SOS1: variants seen among roughly 807,000 people sequenced by gnomAD.
SOS1 encodes SOS Ras/Rac guanine nucleotide exchange factor 1.
Under a neutral mutation model 157.6 loss-of-function variants are expected in SOS1, and 25 were observed. The ratio of observed to expected loss-of-function variants is 0.16; its 90% CI spans 0.12 to 0.22. The LOEUF (loss-of-function observed/expected upper bound fraction) is 0.22, where lower values mean the gene tolerates loss of function less well. Ranked by LOEUF, SOS1 falls within the 10% of genes least tolerant of loss-of-function variation. The pLI, the probability that SOS1 is intolerant of heterozygous loss-of-function variation, is 1.00. For synonymous variants in SOS1, 528 were observed against 534.0 expected, an observed-to-expected ratio of 0.99 and a Z score of 0.16; for missense variants, 1,237 against 1,599.1, an observed-to-expected ratio of 0.77 and a Z score of 3.86.
At chr2:39,034,888 A>T in intron 8 of SOS1, 2 of 475,104 alleles carry the variant, frequency 4.2e-6, no homozygotes, top group South Asian at 3.1e-5. Context: ...GGTTGTTTTC[A>T]AAGAATCAGC....
chr2:39,051,852 AAAAAT>A (rs1671030341), intron 5 of SOS1, among the ~76,000 whole-genome samples: 1 of 152,198 alleles, frequency 6.6e-6, no homozygotes, highest in Admixed American at 6.5e-5. Context: ...AAAGTATACG[AAAAAT>A]CTAGCTTTTC....
At chr2:38,992,031 G>A (rs1426959879) in intron 20 of SOS1, among the ~76,000 whole-genome samples, 2 of 152,200 alleles carry the variant, frequency 1.3e-5, no homozygotes, top group Non-Finnish European at 2.9e-5. Flanking sequence ...ACTGCTTTGA[G>A]TGGAATATGT....
chr2:39,091,264 T>C (rs766463650), intron 1 of SOS1, among the ~76,000 whole-genome samples: 2 of 152,188 alleles, frequency 1.3e-5, no homozygotes, highest in Non-Finnish European at 2.9e-5. Flanking sequence ...ATCTGTTTAT[T>C]TGCTGGATTT....
intron 1 of SOS1, among the ~76,000 whole-genome samples, chr2:39,100,854 G>A (rs1049607052): frequency 1.2e-4 from 19 of 152,278 alleles, no homozygotes; most frequent in African/African-American, 4.1e-4. Flanking sequence ...AGGAGGGGGA[G>A]GTTGCAGTGA....
chr2:39,089,235 C>A (rs1258577401), intron 1 of SOS1, among the ~76,000 whole-genome samples: 2 of 152,130 alleles, frequency 1.3e-5, no homozygotes, highest in African/African-American at 4.8e-5. Context: ...TCAAAAGTAG[C>A]CAACCTGGCC....
upstream of SOS1, among the ~76,000 whole-genome samples, chr2:39,121,894 T>C (rs1035956216): frequency 6.6e-6 from 1 of 152,206 alleles, no homozygotes; most frequent in Non-Finnish European, 1.5e-5. Context: ...TTATGATTTA[T>C]CATTAATTAT....
chr2:39,029,700 T>G (rs1226475499), intron 8 of SOS1, among the ~76,000 whole-genome samples: 3 of 152,150 alleles, frequency 2.0e-5, no homozygotes, highest in African/African-American at 7.2e-5. Context: ...AGTAATACAA[T>G]AGTTAGCTGT....
In SOS1 at chr2:39,081,158, C is replaced by G. The variant is rs189738133; in HGVS notation, c.88-13405G>C. ...AGCCTGGAGTGGCTGGAGACCCTGT[C>G]TCAAAAACAAGAACAAAAAATAATT... On this transcript the variant is annotated intron_variant, in intron 1 of 22. Transcript: ENST00000402219. 3.3e-5 allele frequency among the ~76,000 whole-genome samples: 5 copies of G among 152,028 alleles called. No homozygotes were observed. The East Asian group carries it at 9.7e-4, about 29-fold the overall frequency.
intron 2 of SOS1, among the ~76,000 whole-genome samples, chr2:39,060,197 GT>G (rs775251380): frequency 3.6e-4 from 55 of 152,226 alleles, no homozygotes; most frequent in Non-Finnish European, 7.2e-4. Flanking sequence ...ATAGTGATGG[GT>G]TTAACCCATG....
intron 10 of SOS1, among the ~76,000 whole-genome samples, chr2:39,021,379 T>C (rs780195340): frequency 1.8e-4 from 28 of 151,720 alleles, no homozygotes; most frequent in South Asian, 1.7e-3. Context: ...TTGTGAAATA[T>C]AGCAATTTAG....
chr2:39,066,284 T>C (rs1296189899), intron 2 of SOS1, among the ~76,000 whole-genome samples: 1 of 152,188 alleles, frequency 6.6e-6, no homozygotes, highest in South Asian at 2.1e-4. Context: ...TATACATCCA[T>C]GAGGAAACAC....
intron 1 of SOS1, among the ~76,000 whole-genome samples, chr2:39,069,312 C>T (rs1671712915): frequency 6.6e-6 from 1 of 151,116 alleles, no homozygotes; most frequent in African/African-American, 2.4e-5. Flanking sequence ...CCCAGGATGC[C>T]AGGGCTGCAG....
chr2:39,040,976 A>C (rs1670549917), intron 6 of SOS1, among the ~76,000 whole-genome samples: 1 of 152,248 alleles, frequency 6.6e-6, no homozygotes, highest in Admixed American at 6.5e-5. Flanking sequence ...CGAGGGTCTC[A>C]AATTCTCCAC....
chr2:38,989,155 CA>C, intron 21 of SOS1, 114 bp downstream of exon 21: 1 of 733,526 alleles, frequency 1.4e-6, no homozygotes, highest in Non-Finnish European at 2.5e-6. Flanking sequence ...TAGGATGTTG[CA>C]AGCAAGGTAC....
At chr2:39,118,017 G>A (rs1242068531) in intron 1 of SOS1, among the ~76,000 whole-genome samples, 1 of 152,162 alleles carries the variant, frequency 6.6e-6, no homozygotes, top group Non-Finnish European at 1.5e-5. Context: ...TAAGTATGGG[G>A]AATAAAATGT....
chr2:39,120,954 T>G lies in SOS1; in HGVS notation c.-532A>C, dbSNP rs1673860840. On this transcript the variant is annotated 5_prime_UTR_variant, in exon 1 of 23. Transcript: ENST00000402219. ...AGGACCGGAGGTCGTTGTTGGGGAA[T>G]CTGGCTGCCCTGAGGTGCCGCCGCG... 1.2e-5 allele frequency: 2 copies of G among 168,182 alleles called. No individual in the cohort carries two copies. The highest frequency in any genetic ancestry group is 1.8e-4 in the East Asian group (1 of 5,574). 10.4% of individuals were successfully genotyped at this position (168,182 alleles called of 1,614,324 possible).
At chr2:39,052,002 A>C (rs1671034112) in intron 5 of SOS1, among the ~76,000 whole-genome samples, 2 of 152,164 alleles carry the variant, frequency 1.3e-5, no homozygotes, top group South Asian at 2.1e-4. Flanking sequence ...TTTCATTACC[A>C]CAAGAAGAAA....
intron 5 of SOS1, among the ~76,000 whole-genome samples, chr2:39,052,560 T>C (rs1299146020): frequency 6.6e-6 from 1 of 152,210 alleles, no homozygotes; most frequent in Non-Finnish European, 1.5e-5. Context: ...GAATCATATA[T>C]TGTCTTTTGT....
intron 8 of SOS1, among the ~76,000 whole-genome samples, chr2:39,030,244 G>GAAA (rs60498470): frequency 1.4e-4 from 18 of 125,608 alleles, no homozygotes; most frequent in Admixed American, 5.8e-4. Flanking sequence ...AAAGAAAACA[G>GAAA]AAAAAAAAAA....
Sources: allele counts gnomAD v4.1 joint callset (sites outside exome capture counted in the v4.1 genomes callset), GRCh38; gene constraint gnomAD v4.1.1; transcripts MANE v1.5; gene names NCBI Gene and HGNC (gene_info 2026-07-23, HGNC 2026-07-21).